Variants in RPS6KC1 observed in about 807,000 individuals in gnomAD.
RPS6KC1 encodes inactive ribosomal protein S6 kinase delta-1.
A neutral mutation model predicts 103.8 loss-of-function variants in RPS6KC1; 54 were observed. The ratio of observed to expected loss-of-function variants is 0.52; its 90% CI spans 0.42 to 0.65. The LOEUF (loss-of-function observed/expected upper bound fraction) is 0.65, where lower values mean the gene tolerates loss of function less well. Ranked by LOEUF, RPS6KC1 falls within the 30% of genes least tolerant of loss-of-function variation. RPS6KC1 has a pLI of 0.00. For missense variants in RPS6KC1, 1,151 were observed against 1,253.8 expected (o/e 0.92, Z 1.24); for synonymous variants, 439 against 438.7 (o/e 1.00, Z -0.01).
At chr1:213,619,378 G>T in the RPS6KC1 span, among the ~76,000 whole-genome samples, 5 of 152,142 alleles carry the variant, frequency 3.3e-5, no homozygotes, top group Non-Finnish European at 7.3e-5. Flanking sequence ...TCCGAACCAG[G>T]TTACCTGGCT....
chr1:213,467,418 A>T, the RPS6KC1 span, among the ~76,000 whole-genome samples: 1 of 152,214 alleles, frequency 6.6e-6, no homozygotes, highest in Non-Finnish European at 1.5e-5. Context: ...GCACACAAAA[A>T]TATTGAGATG....
At chr1:213,184,402 C>CA (rs1345278392) in intron 8 of RPS6KC1, among the ~76,000 whole-genome samples, 1 of 151,708 alleles carries the variant, frequency 6.6e-6, no homozygotes, top group Non-Finnish European at 1.5e-5. Context: ...TATTTAAATT[C>CA]ATTTAAATTC....
chr1:213,073,339 G>C (rs142474263), intron 2 of RPS6KC1, among the ~76,000 whole-genome samples: 1 of 152,216 alleles, frequency 6.6e-6, no homozygotes, highest in Admixed American at 6.5e-5. Context: ...TAAAATAGGA[G>C]AAATTTTGTT....
At chr1:213,090,741 CTGT>C (rs1018448436) in intron 3 of RPS6KC1, among the ~76,000 whole-genome samples, 31 of 152,200 alleles carry the variant, frequency 2.0e-4, no homozygotes, top group South Asian at 4.1e-4. Context: ...CTTCAAAGGA[CTGT>C]TGTTTATGTA....
chr1:213,832,257 T>C, the RPS6KC1 span, among the ~76,000 whole-genome samples: 8 of 152,168 alleles, frequency 5.3e-5, no homozygotes, highest in Non-Finnish European at 1.2e-4. Flanking sequence ...TCTATTTGCT[T>C]CACCTGTTGA....
At chr1:213,821,805 G>A in the RPS6KC1 span, 1 of 152,270 alleles carries the variant, frequency 6.6e-6, no homozygotes. Flanking sequence ...CCCAAGAGGA[G>A]AAATGACCAG....
the RPS6KC1 span, among the ~76,000 whole-genome samples, chr1:213,752,843 C>T: frequency 6.6e-6 from 1 of 151,596 alleles, no homozygotes; most frequent in Non-Finnish European, 1.5e-5. Flanking sequence ...AATCTGTCCA[C>T]TTAGACTCCT....
chr1:213,167,777 G>A (rs1188700973), intron 6 of RPS6KC1, 81 bp from the exon 7 acceptor site: 1 of 678,852 alleles, frequency 1.5e-6, no homozygotes, highest in African/African-American at 1.8e-5. Flanking sequence ...TGAACAAGCA[G>A]TGTATTGGGT....
chr1:213,203,892 G>A (rs1231707066), intron 8 of RPS6KC1, among the ~76,000 whole-genome samples: 4 of 152,192 alleles, frequency 2.6e-5, no homozygotes, highest in Non-Finnish European at 5.9e-5. Context: ...TTAGCGGGAT[G>A]TCCTTTTCTA....
At chr1:213,540,909 C>G in the RPS6KC1 span, among the ~76,000 whole-genome samples, 2 of 152,002 alleles carry the variant, frequency 1.3e-5, no homozygotes, top group Non-Finnish European at 2.9e-5. Context: ...TCAAGAAATC[C>G]TTTCTTTGCT....
chr1:213,581,711 C>A, the RPS6KC1 span, among the ~76,000 whole-genome samples: 2 of 152,076 alleles, frequency 1.3e-5, no homozygotes, highest in Non-Finnish European at 2.9e-5. Context: ...TGGAGCCCTG[C>A]GTATCAAAGG....
the RPS6KC1 span, among the ~76,000 whole-genome samples, chr1:213,401,737 G>C: frequency 1.9e-4 from 29 of 151,940 alleles, no homozygotes; most frequent in African/African-American, 6.3e-4. Context: ...AGCTCTTTTT[G>C]TGTATATTTG....
At chr1:213,070,271 A>G (rs2078750196) in intron 1 of RPS6KC1, among the ~76,000 whole-genome samples, 2 of 152,204 alleles carry the variant, frequency 1.3e-5, no homozygotes, top group Admixed American at 6.5e-5. Flanking sequence ...TCTAATTTGT[A>G]TATAGGCTTG....
At chr1:213,666,685 C>T in the RPS6KC1 span, among the ~76,000 whole-genome samples, 1 of 152,188 alleles carries the variant, frequency 6.6e-6, no homozygotes, top group African/African-American at 2.4e-5. Flanking sequence ...TCACCAAATA[C>T]ACAAAAGCAG....
At chr1:213,409,857 G>A in the RPS6KC1 span, among the ~76,000 whole-genome samples, 1 of 152,330 alleles carries the variant, frequency 6.6e-6, no homozygotes, top group East Asian at 1.9e-4. Flanking sequence ...ATTTGTTTAT[G>A]ATACTACAGT....
the RPS6KC1 span, among the ~76,000 whole-genome samples, chr1:213,311,185 C>T: frequency 6.6e-6 from 1 of 150,944 alleles, no homozygotes; most frequent in African/African-American, 2.4e-5. Flanking sequence ...GTTGCCCAGG[C>T]TGGAGTGCAG....
the RPS6KC1 span, among the ~76,000 whole-genome samples, chr1:213,799,723 GT>G: frequency 6.6e-6 from 1 of 152,184 alleles, no homozygotes; most frequent in South Asian, 2.1e-4. Flanking sequence ...AAATCATTCT[GT>G]TGTGGTTCCA....
intron 14 of RPS6KC1, among the ~76,000 whole-genome samples, chr1:213,269,463 C>T (rs1401670353): frequency 2.0e-5 from 3 of 152,130 alleles, no homozygotes; most frequent in African/African-American, 4.8e-5. Context: ...CCAGTGACTG[C>T]GGAACACACA....
the RPS6KC1 span, among the ~76,000 whole-genome samples, chr1:213,672,667 C>T: frequency 3.3e-5 from 5 of 152,112 alleles, no homozygotes; most frequent in Admixed American, 3.3e-4. Flanking sequence ...TAGCCTTATC[C>T]ACTCTGAGTG....
Sources: gnomAD v4.1 joint callset for allele counts (sites outside exome capture counted in the v4.1 genomes callset) on GRCh38, gnomAD v4.1.1 for gene constraint, MANE v1.5 for transcripts, NCBI Gene and HGNC (gene_info 2026-07-23, HGNC 2026-07-21) for gene names.